The following PLXNA4 variants were observed in gnomAD, a reference collection of about 807,000 sequenced individuals.
PLXNA4 encodes the protein plexin A4, also known as plexin-A4.
Under a neutral mutation model 191.8 loss-of-function variants are expected in PLXNA4, and 44 were observed. The ratio of observed to expected loss-of-function variants is 0.23; its 90% confidence interval spans 0.18 to 0.29. The LOEUF is 0.29. Ranked by LOEUF, PLXNA4 falls within the 10% of genes least tolerant of loss-of-function variation. The pLI is 1.00. For missense variants in PLXNA4, 1,800 were observed against 2,488.8 expected (o/e 0.72, Z 5.89); for synonymous variants, 1,082 against 1,009.5 (o/e 1.07, Z -1.36).
chr7:132,157,832 C>T (rs969219938), intron 25 of PLXNA4, among the ~76,000 whole-genome samples: 5 of 152,206 alleles, frequency 3.3e-5, no homozygotes, highest in African/African-American at 4.8e-5. Flanking sequence ...ATTGTTTGGA[C>T]GTGGGGAACA....
chr7:132,317,392 ATTGGG>A (rs555111678), intron 3 of PLXNA4, among the ~76,000 whole-genome samples: 1 of 145,466 alleles, frequency 6.9e-6, no homozygotes, highest in Non-Finnish European at 1.5e-5. Flanking sequence ...GTTGGGTTGG[ATTGGG>A]TTGGGTTGGG....
chr7:132,443,801 G>T (rs949115546), intron 3 of PLXNA4, among the ~76,000 whole-genome samples: 15 of 152,244 alleles, frequency 9.9e-5, no homozygotes, highest in African/African-American at 3.6e-4. Context: ...TTCTAAATTG[G>T]TACTTCACTC....
intron 4 of PLXNA4, among the ~76,000 whole-genome samples, chr7:132,273,465 C>T (rs1456042479): frequency 6.6e-6 from 1 of 152,184 alleles, no homozygotes; most frequent in Non-Finnish European, 1.5e-5. Context: ...CAACTATGTA[C>T]TGCTCAACTT....
intron 3 of PLXNA4, among the ~76,000 whole-genome samples, chr7:132,396,597 T>A (rs1420814890): frequency 6.6e-6 from 1 of 152,176 alleles, no homozygotes; most frequent in African/African-American, 2.4e-5. Flanking sequence ...TTCAAGCAAT[T>A]CTCATGCCTC....
intron 20 of PLXNA4, among the ~76,000 whole-genome samples, chr7:132,179,007 CACAT>C (rs1459653476): frequency 7.5e-6 from 1 of 133,172 alleles, no homozygotes; most frequent in East Asian, 2.4e-4. Context: ...GTAAATGAAA[CACAT>C]ACACATATAC....
chr7:132,609,282 T>C (rs757998996), intron 2 of PLXNA4, among the ~76,000 whole-genome samples: 26 of 152,140 alleles, frequency 1.7e-4, no homozygotes, highest in Non-Finnish European at 3.2e-4. Context: ...TAATAGATGG[T>C]GGAAAGAGTG....
chr7:132,559,193 C>T (rs141844459), intron 1 of PLXNA4, among the ~76,000 whole-genome samples: 222 of 152,116 alleles, frequency 1.5e-3, no homozygotes, highest in East Asian at 4.0e-3. Context: ...TATTACATGC[C>T]GAGAACAGTT....
chr7:132,555,389 G>A (rs2116601745), intron 1 of PLXNA4, among the ~76,000 whole-genome samples: 1 of 152,292 alleles, frequency 6.6e-6, no homozygotes, highest in South Asian at 2.1e-4. Flanking sequence ...TTGAAGCCCA[G>A]TGTTAGAAAC....
chr7:132,374,365 G>A (rs981543618), intron 3 of PLXNA4, among the ~76,000 whole-genome samples: 1 of 152,182 alleles, frequency 6.6e-6, no homozygotes, highest in Admixed American at 6.5e-5. Context: ...CTGGCTCTCA[G>A]TTCTGAGGGG....
intron 3 of PLXNA4, among the ~76,000 whole-genome samples, chr7:132,373,599 T>C (rs1804535477): frequency 6.6e-6 from 1 of 152,224 alleles, no homozygotes; most frequent in Non-Finnish European, 1.5e-5. Flanking sequence ...GGGAGTCTAC[T>C]GAAGTTACTA....
At chr7:132,334,750 C>T (rs1802750686) in intron 3 of PLXNA4, among the ~76,000 whole-genome samples, 2 of 152,288 alleles carry the variant, frequency 1.3e-5, no homozygotes, top group Admixed American at 1.3e-4. Flanking sequence ...AATAGTTGTA[C>T]TAGACATGAA....
At position 132,179,744 on chromosome 7, in the gene PLXNA4, G is replaced by A. The variant is rs901328356; in HGVS notation, c.3817C>T (p.Arg1273Trp). Reference protein sequence around the residue: ...KSRESDLTLKRLQMQMDNLES... With the variant: ...KSRESDLTLKWLQMQMDNLES... The stretch of plus-strand genomic sequence containing the variant: ...AGGTTGTCCATCTGCATCTGCAGCC[G>A]CTTCAGCGTGAGGTCACTTTCGCGG... Residue 1273 changes from arginine to tryptophan, a missense_variant, in exon 20 of 32, where the codon CGG becomes TGG. Physicochemically the swap from Arg to Trp is moderately radical, Grantham distance 101 (BLOSUM62 -3). Transcript: ENST00000321063. 4 of 1,614,136 alleles carry A rather than the reference G, an allele frequency of 2.5e-6. No homozygotes were observed. Among genetic ancestry groups the A allele is most frequent in the African/African-American group, 2.7e-5 (2 of 75,052 alleles).
At chr7:132,402,997 T>C (rs2117048686) in intron 3 of PLXNA4, among the ~76,000 whole-genome samples, 1 of 152,148 alleles carries the variant, frequency 6.6e-6, no homozygotes, top group East Asian at 1.9e-4. Flanking sequence ...GGATCTCTCT[T>C]CCCCCACAGC....
intron 4 of PLXNA4, among the ~76,000 whole-genome samples, chr7:132,270,041 A>G (rs942750487): frequency 6.6e-6 from 1 of 152,226 alleles, no homozygotes; most frequent in African/African-American, 2.4e-5. Flanking sequence ...GTTTCTAAGA[A>G]CTAAACTCAT....
chr7:132,372,567 C>T (rs576672542), intron 3 of PLXNA4, among the ~76,000 whole-genome samples: 5 of 152,314 alleles, frequency 3.3e-5, no homozygotes, highest in African/African-American at 1.2e-4. Context: ...CACCAAGCAA[C>T]GTGTCCTCTC....
chr7:132,626,487 G>A (rs567132292), intron 2 of PLXNA4, among the ~76,000 whole-genome samples: 47 of 152,284 alleles, frequency 3.1e-4, no homozygotes, highest in African/African-American at 1.0e-3. Context: ...GAGTGGTTTA[G>A]CACCATCCCT....
intron 2 of PLXNA4, among the ~76,000 whole-genome samples, chr7:132,492,067 C>T (rs966991224): frequency 6.6e-6 from 1 of 152,212 alleles, no homozygotes; most frequent in Non-Finnish European, 1.5e-5. Flanking sequence ...CTAAACTGTG[C>T]TGCAGGGACC....
intron 8 of PLXNA4, among the ~76,000 whole-genome samples, chr7:132,225,883 G>A (rs987309156): frequency 4.6e-5 from 7 of 152,190 alleles, no homozygotes; most frequent in South Asian, 2.1e-4. Flanking sequence ...AGATGTATGC[G>A]CTAGGGATGT....
intron 28 of PLXNA4, among the ~76,000 whole-genome samples, chr7:132,146,238 T>C (rs1395540628): frequency 6.6e-6 from 1 of 151,998 alleles, no homozygotes. Context: ...AGTTAGAGTC[T>C]CAGTATTTCA....
Sources: gnomAD v4.1 joint callset for allele counts (sites outside exome capture counted in the v4.1 genomes callset) on GRCh38, gnomAD v4.1.1 for gene constraint, MANE v1.5 for transcripts, NCBI Gene and HGNC (gene_info 2026-07-23, HGNC 2026-07-21) for gene names.